ZNF362: variants seen among roughly 807,000 people sequenced by gnomAD.
The protein encoded by ZNF362 is rotund homolog.
A neutral mutation model predicts 42.9 loss-of-function variants in ZNF362; 11 were observed. That is an observed-to-expected ratio of 0.26 (90% confidence interval 0.16 to 0.42). The LOEUF (loss-of-function observed/expected upper bound fraction) is 0.42, where lower values mean the gene tolerates loss of function less well. ZNF362 is among the 20% of genes least tolerant of loss of function. ZNF362 has a pLI of 1.00. For missense variants in ZNF362, 362 were observed against 576.2 expected, an observed-to-expected ratio of 0.63 and a Z score of 3.81; for synonymous variants, 255 against 257.3, an observed-to-expected ratio of 0.99 and a Z score of 0.09.
chr1:33,208,544 G>C, the ZNF362 span, among the ~76,000 whole-genome samples: 3 of 151,596 alleles, frequency 2.0e-5, no homozygotes, highest in African/African-American at 7.3e-5. Context: ...TCACGATATT[G>C]ATTTTTCCTA....
At chr1:33,231,085 G>A in the ZNF362 span, among the ~76,000 whole-genome samples, 3 of 152,194 alleles carry the variant, frequency 2.0e-5, no homozygotes, top group Non-Finnish European at 4.4e-5. Context: ...TGAACTTACT[G>A]TGTGATGGCT....
chr1:33,299,025 G>A lies in ZNF362; in HGVS notation c.1242G>A (p.Pro414=), dbSNP rs138022975. The change falls in exon 9 of 9, where the codon CCG becomes CCA. Residue 414 remains proline, a synonymous_variant. Coordinates refer to ENST00000539719, the MANE Select transcript of ZNF362 (RefSeq NM_152493.3). ...AGAGGACGGAGTCCCCCGGCATCCCGGTGCGAATCTCTCTCATCTGAGCCC... is the reference window on the plus strand; with the variant it reads ...AGAGGACGGAGTCCCCCGGCATCCCAGTGCGAATCTCTCTCATCTGAGCCC... The part of the protein sequence containing the change: ...SPQRTESPGI[P]VRISLI The A allele has an allele frequency of 6.3e-5, 101 of 1,610,554 alleles. No individual in the cohort carries two copies. The highest frequency in any genetic ancestry group is 5.9e-4 in the African/African-American group (44 of 75,060).
the ZNF362 span, chr1:33,181,023 A>C: frequency 2.3e-6 from 3 of 1,323,612 alleles, no homozygotes; most frequent in Non-Finnish European, 3.0e-6. This position sits in a 1 kb window ranked among gnomAD's most constrained non-coding sequence, Gnocchi z 6.5. Context: ...CGGGTAGCGC[A>C]CCTGCAGCTC....
At chr1:33,129,452 A>G in the ZNF362 span, among the ~76,000 whole-genome samples, 5 of 152,356 alleles carry the variant, frequency 3.3e-5, no homozygotes, top group East Asian at 9.6e-4. The surrounding 1 kb of genome is among the most constrained non-coding windows in gnomAD (Gnocchi z 4.1). Flanking sequence ...ATCTTTTGAT[A>G]TAAAGAGTCA....
At chr1:33,193,160 T>C in the ZNF362 span, among the ~76,000 whole-genome samples, 1 of 152,068 alleles carries the variant, frequency 6.6e-6, no homozygotes, top group Non-Finnish European at 1.5e-5. Flanking sequence ...AAAAAATATA[T>C]AGCTGAGCTC....
the ZNF362 span, among the ~76,000 whole-genome samples, chr1:33,179,028 T>C: frequency 1.3e-5 from 2 of 152,226 alleles, no homozygotes; most frequent in African/African-American, 4.8e-5. Flanking sequence ...GCCCTGGCTC[T>C]CTCACTGTCT....
At chr1:33,185,431 AG>A in the ZNF362 span, among the ~76,000 whole-genome samples, 2 of 152,134 alleles carry the variant, frequency 1.3e-5, no homozygotes, top group Non-Finnish European at 2.9e-5. Context: ...CATGTTGGCC[AG>A]GCTGGTCTCA....
chr1:33,233,805 G>C, the ZNF362 span, among the ~76,000 whole-genome samples: 2 of 152,186 alleles, frequency 1.3e-5, no homozygotes, highest in Admixed American at 1.3e-4. Flanking sequence ...GTGGTCCAGA[G>C]AGTGAACTCT....
intron 6 of ZNF362, among the ~76,000 whole-genome samples, chr1:33,282,989 A>G (rs945447909): frequency 1.7e-4 from 26 of 152,176 alleles, no homozygotes; most frequent in African/African-American, 6.3e-4. Flanking sequence ...CATGACGATG[A>G]TCATCTGTGT....
intron 1 of ZNF362, among the ~76,000 whole-genome samples, chr1:33,260,133 G>A (rs781755667): frequency 7.9e-5 from 12 of 152,204 alleles, no homozygotes; most frequent in African/African-American, 1.2e-4. Context: ...CGTGATGCTG[G>A]TTTCAGAATG....
the ZNF362 span, among the ~76,000 whole-genome samples, chr1:33,174,635 C>T: frequency 7.2e-5 from 11 of 152,116 alleles, no homozygotes; most frequent in South Asian, 2.1e-4. Flanking sequence ...GAACCCAGTC[C>T]GTGGAACAAT....
chr1:33,143,555 T>G, the ZNF362 span, among the ~76,000 whole-genome samples: 2 of 152,242 alleles, frequency 1.3e-5, no homozygotes, highest in East Asian at 3.9e-4. Context: ...CACCCACCCC[T>G]GCCAACAGCC....
At chr1:33,136,803 C>A in the ZNF362 span, among the ~76,000 whole-genome samples, 6 of 151,514 alleles carry the variant, frequency 4.0e-5, no homozygotes, top group Non-Finnish European at 7.4e-5. Context: ...CCGAGACCAG[C>A]CTGGCCAATA....
chr1:33,147,566 T>C, the ZNF362 span: 1 of 1,614,080 alleles, frequency 6.2e-7, no homozygotes, highest in Admixed American at 1.7e-5. This position sits in a 1 kb window ranked among gnomAD's most constrained non-coding sequence, Gnocchi z 8.1. Flanking sequence ...ACGCCACTAC[T>C]GAAGGCTTCA....
the ZNF362 span, among the ~76,000 whole-genome samples, chr1:33,215,339 A>T: frequency 6.6e-6 from 1 of 151,960 alleles, no homozygotes; most frequent in Non-Finnish European, 1.5e-5. Context: ...TGGTCACCAA[A>T]GGCTGAGAAG....
intron 6 of ZNF362, among the ~76,000 whole-genome samples, chr1:33,287,202 T>A (rs1258664315): frequency 6.6e-6 from 1 of 152,242 alleles, no homozygotes; most frequent in Non-Finnish European, 1.5e-5. Flanking sequence ...ACCAGCATTG[T>A]CTCGTGCAGT....
At chr1:33,221,725 G>C in the ZNF362 span, among the ~76,000 whole-genome samples, 1 of 152,136 alleles carries the variant, frequency 6.6e-6, no homozygotes, top group Non-Finnish European at 1.5e-5. Context: ...TCACTAAGCT[G>C]GTGTTTCAGA....
the ZNF362 span, among the ~76,000 whole-genome samples, chr1:33,128,616 T>C: frequency 6.6e-6 from 1 of 152,206 alleles, no homozygotes; most frequent in East Asian, 1.9e-4. Context: ...GAGCCTGTTA[T>C]GATCCTAATT....
At chr1:33,265,530 G>T (rs1645859573) in intron 1 of ZNF362, among the ~76,000 whole-genome samples, 1 of 152,248 alleles carries the variant, frequency 6.6e-6, no homozygotes, top group African/African-American at 2.4e-5. Context: ...TCCCAGGAGT[G>T]TGTTTCTGGT....
Sources: allele counts gnomAD v4.1 joint callset (sites outside exome capture counted in the v4.1 genomes callset), GRCh38; gene constraint gnomAD v4.1.1; non-coding constraint Gnocchi (gnomAD v3.1); transcripts MANE v1.5; gene names NCBI Gene and HGNC (gene_info 2026-07-23, HGNC 2026-07-21).